TGIF1: variants seen among roughly 807,000 people sequenced by gnomAD.
TGIF1 encodes TGFB induced factor homeobox 1, also known as homeobox protein TGIF1.
In TGIF1, 4 loss-of-function variants were observed where a neutral mutation model predicts 19.3. The ratio of observed to expected loss-of-function variants is 0.21; its 90% CI spans 0.10 to 0.47. The LOEUF (loss-of-function observed/expected upper bound fraction) is 0.47. Among genes scored for constraint, TGIF1 ranks in the 20% least tolerant of loss-of-function variants. The pLI is 0.98. For synonymous variants in TGIF1, 122 were observed against 129.3 expected (o/e 0.94, Z 0.38); for missense variants, 275 against 341.4 (o/e 0.81, Z 1.53).
intron 2 of TGIF1, among the ~76,000 whole-genome samples, chr18:3,440,248 G>A (rs2082664942): frequency 6.6e-6 from 1 of 151,952 alleles, no homozygotes; most frequent in Non-Finnish European, 1.5e-5. Context: ...TTACTTGGGA[G>A]GCTGAGGCAG....
In TGIF1 at chr18:3,456,720, T is replaced by A; in HGVS notation, c.243+140T>A. On this transcript the variant is annotated intron_variant, in intron 2 of 2. Transcript: ENST00000343820. The surrounding 1 kb of genome is among the most constrained non-coding windows in gnomAD (Gnocchi z 4.2). ...CTTTTTATTGTAAACTTGATAGTGTTAAAAGCTAATAACTAGCTATTTAGA... is the reference window on the plus strand; with the variant it reads ...CTTTTTATTGTAAACTTGATAGTGTAAAAAGCTAATAACTAGCTATTTAGA... The A allele has an allele frequency of 1.3e-6, 1 of 789,354 alleles. No homozygotes were observed. Among genetic ancestry groups the A allele is most frequent in the Non-Finnish European group, 2.2e-6 (1 of 462,616 alleles). The allele number at this position is 789,354 out of a possible 1,614,324, so 48.9% of individuals were successfully genotyped here.
At chr18:3,455,459 A>G (rs2083137318) in intron 1 of TGIF1, 1 of 152,176 alleles carries the variant, frequency 6.6e-6, no homozygotes, top group East Asian at 1.9e-4. Context: ...TTGCATATTC[A>G]GTTTCCTTTG....
At chr18:3,421,356 T>G (rs2082394808) in intron 2 of TGIF1, among the ~76,000 whole-genome samples, 1 of 148,148 alleles carries the variant, frequency 6.8e-6, no homozygotes, top group Admixed American at 6.8e-5. Context: ...GAGATGGAGT[T>G]TGCGTCTTAC....
intron 1 of TGIF1, chr18:3,455,376 T>C (rs1378690876): frequency 3.3e-5 from 5 of 152,212 alleles, no homozygotes; most frequent in Non-Finnish European, 2.9e-5. Flanking sequence ...TTAAATATTC[T>C]CTATGGCTTG....
At chr18:3,445,723 C>CAAAAAAAAAAAAAAAAAAAAAAAAAAAA (rs141550400), upstream of TGIF1, among the ~76,000 whole-genome samples, 1 of 17,696 alleles carries the variant, frequency 5.7e-5, no homozygotes, top group Non-Finnish European at 9.3e-5. Flanking sequence ...GACTCTGTCT[C>CAAAAAAAAAAAAAAAAAAAAAAAAAAAA]AAAAAAAAAA....
chr18:3,448,737 T>C, upstream of TGIF1: 1 of 381,632 alleles, frequency 2.6e-6, no homozygotes, highest in Non-Finnish European at 3.5e-6. Context: ...TTTTTTTTTT[T>C]TGAGGGAGGG....
At chr18:3,436,238 C>T (rs919901005) in intron 2 of TGIF1, among the ~76,000 whole-genome samples, 6 of 152,074 alleles carry the variant, frequency 3.9e-5, no homozygotes, top group African/African-American at 7.2e-5. Flanking sequence ...AAAAATAATG[C>T]CTATTGCTTT....
rs2082415839 is a variant in TGIF1, at chr18:3,422,666, A to AAT, written c.-45+4451_-45+4452insAT. ...TCCATTAATGTTAAGTGCCCTATAT[A>AAT]GGTGGCCTTTTTTTTTTTTTTTTTT... On this transcript the variant is annotated intron_variant, in intron 2 of 3. Transcript: ENST00000401449. 1.3e-4 allele frequency among the ~76,000 whole-genome samples: 11 copies of AAT among 84,610 alleles called. No individual in the cohort carries two copies. The East Asian group carries it at 1.5e-3, about 12-fold the overall frequency. The allele number at this position is 84,610 out of a possible 152,430, so 55.5% of individuals were successfully genotyped here.
chr18:3,459,130 T>C lies in TGIF1; in HGVS notation c.*1190T>C, dbSNP rs1405351338. On this transcript the variant is annotated 3_prime_UTR_variant, in exon 3 of 3. Transcript: ENST00000343820. The stretch of plus-strand genomic sequence containing the variant: ...TGTATGGTTGAGCAGATTTGTCACA[T>C]GCCACAAAACCATTCTTTGTAGTCA... The C allele has an allele frequency of 1.3e-5, 2 of 152,216 alleles. No homozygotes were observed. The highest frequency in any genetic ancestry group is 3.8e-4 in the East Asian group (2 of 5,200). The allele number at this position is 152,216 out of a possible 1,614,324, so 9.4% of individuals were successfully genotyped here.
chr18:3,442,560 C>CA (rs201690094), intron 2 of TGIF1, among the ~76,000 whole-genome samples: 3 of 151,528 alleles, frequency 2.0e-5, no homozygotes, highest in Admixed American at 6.6e-5. Flanking sequence ...AAAGAATATA[C>CA]AAAAAAAATC....
At chr18:3,448,560 C>T, upstream of TGIF1, 1 of 985,646 alleles carries the variant, frequency 1.0e-6, no homozygotes, top group Non-Finnish European at 1.2e-6. Context: ...TCTTCTGTCC[C>T]GAGCAGTCAG....
At position 3,451,674 on chromosome 18, in the gene TGIF1, T is replaced by C. The variant is rs564048729; in HGVS notation, c.16+1169T>C. The C allele has an allele frequency of 6.8e-6, 8 of 1,169,798 alleles. No individual in the cohort carries two copies. The Admixed American group carries it at 3.1e-4, about 45-fold the overall frequency. The allele number at this position is 1,169,798 out of a possible 1,614,324, so 72.5% of individuals were successfully genotyped here. The stretch of plus-strand genomic sequence containing the variant: ...AGCGGGGTTCCTTCGGCTGCGTTTC[T>C]GTGGGAGGCCCTGAAACGCGCGGAG... On this transcript the variant is annotated intron_variant, in intron 1 of 2. Coordinates refer to ENST00000343820, the MANE Select transcript of TGIF1 (RefSeq NM_003244.4). The surrounding 1 kb of genome is among the most constrained non-coding windows in gnomAD (Gnocchi z 5.4).
intron 2 of TGIF1, among the ~76,000 whole-genome samples, chr18:3,431,344 G>A (rs1029178142): frequency 4.6e-5 from 7 of 152,160 alleles, no homozygotes; most frequent in Non-Finnish European, 1.0e-4. Flanking sequence ...CTGTTCATGA[G>A]GCTAAGGCTT....
rs11661340 is a variant in TGIF1 at position 3,457,187 on chromosome 18, T to G, written c.244-178T>G. 60,120 of 734,532 alleles carry G rather than the reference T, an allele frequency of 0.082. 3,347 individuals are homozygous for G. Among genetic ancestry groups the G allele is most frequent in the East Asian group, 0.26 (9,688 of 37,150 alleles). The allele number at this position is 734,532 out of a possible 1,614,324, so 45.5% of individuals were successfully genotyped here. On this transcript the variant is annotated intron_variant, in intron 2 of 2. Coordinates refer to ENST00000343820, the MANE Select transcript of TGIF1 (RefSeq NM_003244.4). This position sits in a 1 kb window ranked among gnomAD's most constrained non-coding sequence, Gnocchi z 4.9. ...AAACTAGAAGGCTTATGACAGGTGG[T>G]AGCTTGCTTTCTTGGCGGAGCTCAG...
intron 1 of TGIF1, among the ~76,000 whole-genome samples, chr18:3,413,296 G>A (rs1207842201): frequency 6.6e-6 from 1 of 152,034 alleles, no homozygotes; most frequent in African/African-American, 2.4e-5. Flanking sequence ...ATTCTTCTTG[G>A]CCCTGCCCTT....
chr18:3,416,335 A>G (rs2082331513), intron 1 of TGIF1, among the ~76,000 whole-genome samples: 1 of 152,062 alleles, frequency 6.6e-6, no homozygotes, highest in Non-Finnish European at 1.5e-5. Context: ...GCTGGACAAC[A>G]TGATGAAACT....
intron 2 of TGIF1, among the ~76,000 whole-genome samples, chr18:3,440,038 A>AT (rs1202531850): frequency 6.6e-6 from 1 of 151,414 alleles, no homozygotes; most frequent in Non-Finnish European, 1.5e-5. Context: ...AAAAAAAAAA[A>AT]GTACTGATTT....
intron 2 of TGIF1, among the ~76,000 whole-genome samples, chr18:3,440,266 G>T: frequency 6.6e-6 from 1 of 151,258 alleles, no homozygotes; most frequent in African/African-American, 2.4e-5. Flanking sequence ...CAGGAGAATC[G>T]CTTGAACCTG....
upstream of TGIF1, chr18:3,449,538 T>TGGGCCCCCC: frequency 1.0e-6 from 1 of 961,946 alleles, no homozygotes; most frequent in Non-Finnish European, 1.2e-6. Context: ...GTCTCATCAT[T>TGGGCCCCCC]CCCCCCCGCC....
Sources: allele counts gnomAD v4.1 joint callset (sites outside exome capture counted in the v4.1 genomes callset), GRCh38; gene constraint gnomAD v4.1.1; non-coding constraint Gnocchi (gnomAD v3.1); transcripts MANE v1.5; gene names NCBI Gene and HGNC (gene_info 2026-07-23, HGNC 2026-07-21).